APOBEC1: variants seen among roughly 807,000 people sequenced by gnomAD.
APOBEC1 encodes the protein apolipoprotein B mRNA editing enzyme catalytic subunit 1.
A neutral mutation model predicts 26.3 loss-of-function variants in APOBEC1; 22 were observed. The observed-to-expected ratio is 0.84, with a 90% CI of 0.60 to 1.19. APOBEC1 has a LOEUF of 1.19. Among genes scored for constraint, APOBEC1 ranks in the 50% most tolerant of loss-of-function variants. The probability of loss-of-function intolerance (pLI) is 0.00; values close to 1 mark genes in which losing one functional copy is unlikely to be tolerated. For missense variants in APOBEC1, 253 were observed against 289.0 expected (o/e 0.88, Z 0.90); for synonymous variants, 77 against 95.3 (o/e 0.81, Z 1.12).
At chr12:7,657,177 C>T (rs1314758128) in intron 1 of APOBEC1, among the ~76,000 whole-genome samples, 1 of 152,056 alleles carries the variant, frequency 6.6e-6, no homozygotes, top group Non-Finnish European at 1.5e-5. Flanking sequence ...ATCATTTGAA[C>T]CAACTGCATT....
intron 1 of APOBEC1, among the ~76,000 whole-genome samples, chr12:7,658,819 G>T (rs2136847804): frequency 6.6e-6 from 1 of 151,488 alleles, no homozygotes; most frequent in South Asian, 2.1e-4. Context: ...CGGGTGTGGT[G>T]GCACATGCCT....
chr12:7,665,918 T>C, upstream of APOBEC1: 1 of 1,612,654 alleles, frequency 6.2e-7, no homozygotes, highest in Non-Finnish European at 8.5e-7. Context: ...TAAGTTGTGC[T>C]GATTGTTCCT....
chr12:7,652,289 T>C (rs752301943), intron 3 of APOBEC1, 149 bp downstream of exon 3: 3 of 685,028 alleles, frequency 4.4e-6, no homozygotes, highest in East Asian at 5.7e-5. Context: ...TTCCTTGTCA[T>C]GAATTTCAGA....
In APOBEC1 at chr12:7,660,395, A is replaced by AGAAAGAAAGAAAGAAAGAAAGAAAGAAG. The variant is rs1555094928; in HGVS notation, c.16+5461_16+5462insCTTCTTTCTTTCTTTCTTTCTTTCTTTC. ...AGGAAGGAAAGAAAGAAAGAAAGAA[A>AGAAAGAAAGAAAGAAAGAAAGAAAGAAG]GAAAGAAAGAAAGAAAGAGAGGGTA... On this transcript the variant is annotated intron_variant, in intron 1 of 4. Coordinates refer to ENST00000229304, the MANE Select transcript of APOBEC1 (RefSeq NM_001644.5). 4.0e-3 allele frequency among the ~76,000 whole-genome samples: 196 copies of AGAAAGAAAGAAAGAAAGAAAGAAAGAAG among 49,438 alleles called. 12 individuals carry two copies. The highest frequency in any genetic ancestry group is 0.017 in the Middle Eastern group (1 of 58). The allele number at this position is 49,438 out of a possible 152,430, so 32.4% of individuals were successfully genotyped here. A position where few individuals can be genotyped will look rare whatever the true frequency, so the allele number is the denominator to read the frequency against.
upstream of APOBEC1, among the ~76,000 whole-genome samples, chr12:7,666,911 C>T (rs752860847): frequency 2.0e-3 from 272 of 134,398 alleles, 1 homozygote; most frequent in Admixed American, 2.7e-3. Flanking sequence ...TCCACTTCTG[C>T]CCTTTTTTTT....
Position 7,652,708 on chromosome 12 carries a change from T to C in APOBEC1, c.172A>G (p.Thr58Ala), listed in dbSNP as rs1863660805. ...AAATTAACTTCCACGTGATTGGTGG[T>C]GTTTTTGCCTGAGCTTCGCCAGATC... Reference protein sequence around the residue: ...RKIWRSSGKNTTNHVEVNFIK... With the variant: ...RKIWRSSGKNATNHVEVNFIK... The change falls in exon 3 of 5, where the codon ACC becomes GCC. Residue 58 changes from threonine to alanine, a missense_variant. Thr to Ala is a moderately conservative substitution (Grantham distance 58). Coordinates refer to ENST00000229304, the MANE Select transcript of APOBEC1 (RefSeq NM_001644.5). 5 of 1,614,172 alleles carry C rather than the reference T, an allele frequency of 3.1e-6. No homozygotes were observed. The highest frequency in any genetic ancestry group is 4.2e-6 in the Non-Finnish European group (5 of 1,180,038).
At chr12:7,649,978 G>A (rs1247981077) in intron 4 of APOBEC1, among the ~76,000 whole-genome samples, 1 of 151,876 alleles carries the variant, frequency 6.6e-6, no homozygotes, top group Non-Finnish European at 1.5e-5. Flanking sequence ...ACCACACCCA[G>A]CTAATTTTTT....
At position 7,652,624 on chromosome 12, in the gene APOBEC1, A is replaced by C. The variant is rs191181774; in HGVS notation, c.256T>G (p.Trp86Gly). 2 of 1,614,188 alleles carry C rather than the reference A, an allele frequency of 1.2e-6. No individual in the cohort carries two copies. Among genetic ancestry groups the C allele is most frequent in the Admixed American group, 3.3e-5 (2 of 60,030 alleles). ...FHPSMSCSITWFLSWSPCWEC... is the reference protein window; with the variant it reads ...FHPSMSCSITGFLSWSPCWEC... ...CAGCAGGGACTCCAGGACAAGAACC[A>C]GGTGATGGAGCAGCTCATGGATGGG... The change falls in exon 3 of 5, where the codon TGG (tryptophan) becomes GGG (glycine). Residue 86 changes from tryptophan to glycine, a missense_variant. Physicochemically the swap from Trp to Gly is radical, Grantham distance 184. Transcript: ENST00000229304.
At chr12:7,664,375 C>A (rs1863863495) in intron 1 of APOBEC1, among the ~76,000 whole-genome samples, 1 of 152,146 alleles carries the variant, frequency 6.6e-6, no homozygotes, top group Non-Finnish European at 1.5e-5. Flanking sequence ...ATAAATTCTC[C>A]AAAGATATTC....
intron 3 of APOBEC1, 90 bp downstream of exon 3, chr12:7,652,348 G>T: frequency 1.6e-6 from 2 of 1,232,376 alleles, no homozygotes; most frequent in Non-Finnish European, 2.2e-6. Flanking sequence ...GAGACTTCCA[G>T]CCTGGGCTAA....
chr12:7,649,851 A>G (rs1863615277), intron 4 of APOBEC1, among the ~76,000 whole-genome samples, 155 bp from the exon 5 acceptor site: 1 of 150,146 alleles, frequency 6.7e-6, no homozygotes, highest in South Asian at 2.1e-4. Flanking sequence ...GACTCACTGC[A>G]TTCACCCAGG....
chr12:7,659,153 G>T (rs1257716259), intron 1 of APOBEC1, among the ~76,000 whole-genome samples: 2 of 148,994 alleles, frequency 1.3e-5, no homozygotes, highest in Admixed American at 6.7e-5. Context: ...AATTAGCTGG[G>T]TGTGGTGGCG....
chr12:7,649,541 T>G lies in APOBEC1; in HGVS notation c.*6A>C. On this transcript the variant is annotated 3_prime_UTR_variant, in exon 5 of 5. Coordinates refer to ENST00000229304, the MANE Select transcript of APOBEC1 (RefSeq NM_001644.5). ...TTGAATCAGTACACACACGGAATCATCCTATTCATCTCCAAGCCACAGAAG... is the reference window on the plus strand; with the variant it reads ...TTGAATCAGTACACACACGGAATCAGCCTATTCATCTCCAAGCCACAGAAG... 1 of 1,613,888 alleles carries G rather than the reference T, an allele frequency of 6.2e-7. No individual in the cohort carries two copies. The highest frequency in any genetic ancestry group is 8.5e-7 in the Non-Finnish European group (1 of 1,179,902).
chr12:7,666,956 G>A (rs1198532296), upstream of APOBEC1, among the ~76,000 whole-genome samples: 2 of 150,354 alleles, frequency 1.3e-5, no homozygotes, highest in Non-Finnish European at 2.9e-5. Flanking sequence ...TTGTCACCCA[G>A]GCTGAAGTGC....
rs1251310652 is a variant in APOBEC1 at position 7,652,726 on chromosome 12, G to A, written c.154C>T (p.Arg52Ter). Residue 52 changes from arginine (R) to a stop codon, truncating the protein, a stop_gained, in exon 3 of 5, where the codon CGA becomes TGA. Coordinates refer to ENST00000229304, the MANE Select transcript of APOBEC1 (RefSeq NM_001644.5). LOFTEE classifies it high-confidence loss of function. Reference protein sequence around the residue: ...IKWGMSRKIWRSSGKNTTNHV... With the variant: ...IKWGMSRKIW Reference sequence around the variant, plus strand: ...TTGGTGGTGTTTTTGCCTGAGCTTCGCCAGATCTTCCGGCTCATGCCCCAC... The same window carrying A: ...TTGGTGGTGTTTTTGCCTGAGCTTCACCAGATCTTCCGGCTCATGCCCCAC... 5.0e-6 allele frequency: 8 copies of A among 1,613,788 alleles called. No individual in the cohort carries two copies. The highest frequency in any genetic ancestry group is 1.7e-5 in the Admixed American group (1 of 59,970).
chr12:7,652,103 T>A (rs1157959026), intron 3 of APOBEC1, among the ~76,000 whole-genome samples: 1 of 152,182 alleles, frequency 6.6e-6, no homozygotes, highest in East Asian at 1.9e-4. Flanking sequence ...ATTACAGGCG[T>A]GAGCCACCGC....
Position 7,654,614 on chromosome 12 carries a change from G to A in APOBEC1, c.35C>T (p.Pro12Leu). 1 of 1,613,892 alleles carries A rather than the reference G, an allele frequency of 6.2e-7. No homozygotes were observed. The highest frequency in any genetic ancestry group is 8.5e-7 in the Non-Finnish European group (1 of 1,179,878). The change falls in exon 2 of 5, where the codon CCC becomes CTC. Residue 12 changes from proline to leucine, a missense_variant. By Grantham distance (98) the Pro-to-Leu change is moderately conservative (BLOSUM62 -3). Coordinates refer to ENST00000229304, the MANE Select transcript of APOBEC1 (RefSeq NM_001644.5). ...TSEKGPSTGDPTLRRRIEPWE... is the reference protein window; with the variant it reads ...TSEKGPSTGDLTLRRRIEPWE... Reference sequence around the variant, plus strand: ...ATAGTGTTATTCTTACCTCAGAGTGGGGTCACCGGTTGAAGGACCTGTTGA... The same window carrying A: ...ATAGTGTTATTCTTACCTCAGAGTGAGGTCACCGGTTGAAGGACCTGTTGA...
At chr12:7,661,205 CA>C (rs35561148) in intron 1 of APOBEC1, among the ~76,000 whole-genome samples, 1,654 of 89,234 alleles carry the variant, frequency 0.019, 17 homozygotes, top group East Asian at 0.062. Context: ...GACTCCGTCT[CA>C]AAAAAAAAAA....
chr12:7,653,810 A>G (rs996871932), intron 2 of APOBEC1, among the ~76,000 whole-genome samples: 1 of 152,196 alleles, frequency 6.6e-6, no homozygotes, highest in Non-Finnish European at 1.5e-5. Context: ...TTAGGATTCT[A>G]TATACTAACT....
Sources: gnomAD v4.1 joint callset for allele counts (sites outside exome capture counted in the v4.1 genomes callset) on GRCh38, gnomAD v4.1.1 for gene constraint, MANE v1.5 for transcripts, NCBI Gene and HGNC (gene_info 2026-07-23, HGNC 2026-07-21) for gene names.